Variants in ARV1 observed in about 807,000 individuals in gnomAD.
ARV1 encodes protein ARV1.
ARV1 carries 26 observed loss-of-function variants against 31.1 expected under a neutral mutation model. That is an observed-to-expected ratio of 0.84 (90% CI 0.61 to 1.16). The LOEUF is 1.16. Among genes scored for constraint, ARV1 ranks in the 50% most tolerant of loss-of-function variants. ARV1 has a pLI of 0.00. For missense variants in ARV1, 281 were observed against 324.9 expected, an observed-to-expected ratio of 0.86 and a Z score of 1.04; for synonymous variants, 117 against 123.2, an observed-to-expected ratio of 0.95 and a Z score of 0.34.
chr1:230,997,150 T>C lies in ARV1; in HGVS notation c.703T>C (p.Phe235Leu), dbSNP rs1679393087. 1.2e-6 allele frequency: 2 copies of C among 1,614,182 alleles called. No homozygotes were observed. Among genetic ancestry groups the C allele is most frequent in the Non-Finnish European group, 1.7e-6 (2 of 1,180,030 alleles). ...CCTAAACATCAACCGTAAGCTCTCCTTCTTGGCCGTGTTGAGTGGCTTACT... is the reference window on the plus strand; with the variant it reads ...CCTAAACATCAACCGTAAGCTCTCCCTCTTGGCCGTGTTGAGTGGCTTACT... The part of the protein sequence containing the change: ...VTLNINRKLS[F>L]LAVLSGLLLE... The change falls in exon 5 of 6, where the codon TTC (phenylalanine) becomes CTC (leucine). Residue 235 changes from phenylalanine to leucine, a missense_variant. Phe to Leu is a conservative substitution (Grantham distance 22). Transcript: ENST00000310256.
At chr1:230,983,713 G>A (rs6690962) in intron 1 of ARV1, among the ~76,000 whole-genome samples, 31,852 of 152,036 alleles carry the variant, frequency 0.21, 3,939 homozygotes, top group Admixed American at 0.34. Context: ...TGGTTTGGCC[G>A]ATTTATATTC....
intron 1 of ARV1, among the ~76,000 whole-genome samples, chr1:230,984,417 A>G (rs967134794): frequency 7.0e-6 from 1 of 142,154 alleles, no homozygotes; most frequent in African/African-American, 2.6e-5. Context: ...TCCTCTTCAC[A>G]TTCAAGGTGA....
chr1:230,995,351 G>A (rs1679330473), intron 3 of ARV1, among the ~76,000 whole-genome samples: 1 of 152,192 alleles, frequency 6.6e-6, no homozygotes, highest in Non-Finnish European at 1.5e-5. Flanking sequence ...ATGTCTTCCT[G>A]TGTTATCCCA....
chr1:230,993,411 A>G (rs988142205), intron 3 of ARV1, among the ~76,000 whole-genome samples: 6 of 152,196 alleles, frequency 3.9e-5, no homozygotes, highest in African/African-American at 1.4e-4. Context: ...TAAAATTTCT[A>G]AAGATAAACT....
intron 1 of ARV1, among the ~76,000 whole-genome samples, chr1:230,984,365 T>TGCGTGC (rs376700947): frequency 1.4e-5 from 1 of 71,360 alleles, no homozygotes; most frequent in African/African-American, 5.1e-5. Flanking sequence ...TGTGTGTGCG[T>TGCGTGC]GTGTGTGTGT....
chr1:230,984,483 G>A (rs1035919674), intron 1 of ARV1, among the ~76,000 whole-genome samples: 1 of 151,008 alleles, frequency 6.6e-6, no homozygotes, highest in African/African-American at 2.4e-5. Context: ...AATAATAGAG[G>A]GAGAACAAGG....
At chr1:230,988,687 C>A (rs1175170361) in intron 2 of ARV1, among the ~76,000 whole-genome samples, 3 of 152,144 alleles carry the variant, frequency 2.0e-5, no homozygotes, top group Non-Finnish European at 4.4e-5. Context: ...AAGCCATGAT[C>A]TGAATTACCT....
intron 3 of ARV1, chr1:230,990,613 G>T: frequency 3.0e-6 from 1 of 329,724 alleles, no homozygotes; most frequent in Non-Finnish European, 6.0e-6. Context: ...GGAGTGCAGT[G>T]GCACAGTCAC....
intron 2 of ARV1, among the ~76,000 whole-genome samples, chr1:230,989,827 C>G (rs915973070): frequency 6.6e-6 from 1 of 152,122 alleles, no homozygotes; most frequent in African/African-American, 2.4e-5. Context: ...TAGAATCCCC[C>G]CAGAACTGTT....
At chr1:230,979,397 G>T (rs1208025256) in intron 1 of ARV1, 118 bp downstream of exon 1, 4 of 1,179,194 alleles carry the variant, frequency 3.4e-6, no homozygotes, top group East Asian at 5.1e-5. Flanking sequence ...TTCCCGCCCG[G>T]GATCTTTGCA....
chr1:230,996,969 GA>G, intron 4 of ARV1, 151 bp from the exon 5 acceptor site: 1 of 878,520 alleles, frequency 1.1e-6, no homozygotes, highest in Non-Finnish European at 1.7e-6. Context: ...TGTGTAGATG[GA>G]AAAGTGGGAG....
chr1:230,997,497 T>G (rs982661765), intron 5 of ARV1, among the ~76,000 whole-genome samples: 1 of 152,126 alleles, frequency 6.6e-6, no homozygotes, highest in African/African-American at 2.4e-5. Flanking sequence ...TTGTTGCTTC[T>G]AGGGTCCTAT....
Position 230,989,131 on chromosome 1 carries a change from G to A in ARV1, c.294+692G>A, listed in dbSNP as rs1679162111. Reference sequence around the variant, plus strand: ...AAACTCAAATTTAACTGGCGGTCCTGTTATTTTATTTATTTATTTATTTTT... The same window carrying A: ...AAACTCAAATTTAACTGGCGGTCCTATTATTTTATTTATTTATTTATTTTT... On this transcript the variant is annotated intron_variant, in intron 2 of 5. Coordinates refer to ENST00000310256, the MANE Select transcript of ARV1 (RefSeq NM_022786.3). Among the ~76,000 whole-genome samples the A allele has an allele frequency of 2.0e-5, 3 of 152,212 alleles. No homozygotes were observed. The South Asian group carries it at 6.2e-4, about 32-fold the overall frequency.
At position 230,990,097 on chromosome 1, in the gene ARV1, C is replaced by CT. The variant is rs748657168; in HGVS notation, c.295-10dup. 3.8e-6 allele frequency: 6 copies of CT among 1,597,156 alleles called. No individual in the cohort carries two copies. In the East Asian group the frequency reaches 1.1e-4, roughly 30 times the overall value. On this transcript the variant is annotated splice_polypyrimidine_tract_variant and intron_variant, in intron 2 of 5. Transcript: ENST00000310256. ...TCCTTACCTAATTGAATGGCAATGTCTTTGACTATCAGATCCATGGAAAAC... is the reference window on the plus strand; with the variant it reads ...TCCTTACCTAATTGAATGGCAATGTCTTTTGACTATCAGATCCATGGAAAAC...
intron 1 of ARV1, among the ~76,000 whole-genome samples, chr1:230,983,453 T>C (rs1216969212): frequency 6.6e-6 from 1 of 151,514 alleles, no homozygotes; most frequent in Non-Finnish European, 1.5e-5. Context: ...GCTATAGGGC[T>C]TGGCTTATTT....
At chr1:230,984,962 A>G (rs2103045317) in intron 1 of ARV1, among the ~76,000 whole-genome samples, 1 of 152,196 alleles carries the variant, frequency 6.6e-6, no homozygotes, top group Non-Finnish European at 1.5e-5. Context: ...ACCCAGGCCA[A>G]CTCCTTACGG....
intron 5 of ARV1, among the ~76,000 whole-genome samples, chr1:230,998,577 T>G (rs1019246528): frequency 6.6e-6 from 1 of 152,108 alleles, no homozygotes; most frequent in Non-Finnish European, 1.5e-5. Context: ...TAAAACATAC[T>G]TTCACCCAGA....
intron 1 of ARV1, among the ~76,000 whole-genome samples, chr1:230,980,278 C>T (rs187337984): frequency 3.9e-5 from 6 of 152,138 alleles, no homozygotes; most frequent in African/African-American, 9.6e-5. Context: ...AAATTTGTGA[C>T]GATTAACCTC....
At chr1:230,980,089 C>A (rs1228132463) in intron 1 of ARV1, among the ~76,000 whole-genome samples, 1 of 152,168 alleles carries the variant, frequency 6.6e-6, no homozygotes, top group Non-Finnish European at 1.5e-5. Flanking sequence ...AATTGACAAA[C>A]TGAGTGTATA....
Sources: allele counts gnomAD v4.1 joint callset (sites outside exome capture counted in the v4.1 genomes callset), GRCh38; gene constraint gnomAD v4.1.1; transcripts MANE v1.5; gene names NCBI Gene and HGNC (gene_info 2026-07-23, HGNC 2026-07-21).